Variants in FSTL4 observed in about 807,000 individuals in gnomAD.
FSTL4 encodes follistatin-related protein 4.
Under a neutral mutation model 78.2 loss-of-function variants are expected in FSTL4, and 28 were observed. That is an observed-to-expected ratio of 0.36 (90% CI 0.27 to 0.49). FSTL4 has a LOEUF of 0.49. Among genes scored for constraint, FSTL4 ranks in the 20% least tolerant of loss-of-function variants. The pLI is 0.98. For missense variants in FSTL4, 922 were observed against 1,084.9 expected (o/e 0.85, Z 2.11); for synonymous variants, 422 against 440.5 (o/e 0.96, Z 0.53).
the FSTL4 span, among the ~76,000 whole-genome samples, chr5:133,788,390 TAGTACCTC>T: frequency 6.6e-6 from 1 of 152,188 alleles, no homozygotes; most frequent in Admixed American, 6.5e-5. Flanking sequence ...ACTGTAATAG[TAGTACCTC>T]CCTGCAAGGT....
chr5:133,791,855 T>C, the FSTL4 span, among the ~76,000 whole-genome samples: 157 of 152,296 alleles, frequency 1.0e-3, no homozygotes, highest in African/African-American at 3.6e-3. Flanking sequence ...ATCTTCCCAT[T>C]CTGCTGGGCA....
At chr5:133,226,382 G>A (rs1443474049) in intron 8 of FSTL4, among the ~76,000 whole-genome samples, 2 of 152,150 alleles carry the variant, frequency 1.3e-5, no homozygotes, top group Non-Finnish European at 2.9e-5. Context: ...TCAGCCATGG[G>A]CCCTGGCAGT....
chr5:133,804,216 G>A, the FSTL4 span, among the ~76,000 whole-genome samples: 1 of 152,148 alleles, frequency 6.6e-6, no homozygotes, highest in African/African-American at 2.4e-5. Context: ...CTGGATAAAG[G>A]CAACAAGACC....
At chr5:133,689,744 C>T in the FSTL4 span, among the ~76,000 whole-genome samples, 16 of 152,140 alleles carry the variant, frequency 1.1e-4, no homozygotes, top group Non-Finnish European at 1.3e-4. Context: ...CTAGTGGTCT[C>T]AGCACTCTAA....
the FSTL4 span, among the ~76,000 whole-genome samples, chr5:133,639,333 G>A: frequency 1.3e-5 from 2 of 152,134 alleles, no homozygotes; most frequent in African/African-American, 2.4e-5. Context: ...GGCAGTAGTC[G>A]GTGCTCTATA....
chr5:133,344,374 C>T (rs577775769), intron 4 of FSTL4, among the ~76,000 whole-genome samples: 1 of 152,238 alleles, frequency 6.6e-6, no homozygotes, highest in East Asian at 1.9e-4. Context: ...TATTCATTGA[C>T]TCTAAAAGTG....
the FSTL4 span, among the ~76,000 whole-genome samples, chr5:133,828,693 G>T: frequency 7.2e-5 from 11 of 152,186 alleles, no homozygotes; most frequent in Admixed American, 6.5e-4. Context: ...CTCTGCAAAC[G>T]CTGGAGCCCC....
intron 3 of FSTL4, among the ~76,000 whole-genome samples, chr5:133,406,086 C>T (rs962729772): frequency 3.3e-5 from 5 of 152,104 alleles, no homozygotes; most frequent in African/African-American, 7.2e-5. Flanking sequence ...GTGTTAAATG[C>T]GAGGAAGGAA....
At chr5:133,328,212 A>C (rs1387681489) in intron 4 of FSTL4, among the ~76,000 whole-genome samples, 1 of 152,256 alleles carries the variant, frequency 6.6e-6, no homozygotes, top group Non-Finnish European at 1.5e-5. Context: ...GCTGGTGGCA[A>C]TATCCACCTC....
intron 3 of FSTL4, among the ~76,000 whole-genome samples, chr5:133,535,788 A>G (rs1272381776): frequency 1.3e-5 from 2 of 152,168 alleles, no homozygotes; most frequent in East Asian, 3.8e-4. Flanking sequence ...TAGCAGTCCA[A>G]GTAGATTAGG....
At chr5:133,233,654 G>T in intron 7 of FSTL4, 117 bp from the exon 8 acceptor site, 1 of 1,285,592 alleles carries the variant, frequency 7.8e-7, no homozygotes, top group Non-Finnish European at 1.1e-6. Flanking sequence ...TTTCTGCCTG[G>T]CCCTTGCTCA....
chr5:133,305,480 C>G (rs553519241), intron 6 of FSTL4, among the ~76,000 whole-genome samples: 1 of 152,234 alleles, frequency 6.6e-6, no homozygotes, highest in Non-Finnish European at 1.5e-5. Flanking sequence ...CTAGTTATCT[C>G]TAGCTCGGCG....
chr5:133,705,851 ACG>A, the FSTL4 span, among the ~76,000 whole-genome samples: 16 of 136,588 alleles, frequency 1.2e-4, no homozygotes, highest in African/African-American at 2.2e-4. Flanking sequence ...ACACACACAC[ACG>A]CGCGCACACA....
intron 4 of FSTL4, among the ~76,000 whole-genome samples, chr5:133,386,440 C>G: frequency 6.6e-6 from 1 of 152,158 alleles, no homozygotes; most frequent in South Asian, 2.1e-4. Flanking sequence ...CCAACTGTTT[C>G]TCTAAATTAG....
chr5:133,542,745 T>C (rs564830214), intron 3 of FSTL4, among the ~76,000 whole-genome samples: 1 of 152,292 alleles, frequency 6.6e-6, no homozygotes, highest in Non-Finnish European at 1.5e-5. Context: ...TAAGATTCTA[T>C]TATTGTTTTG....
At chr5:133,276,184 A>G (rs1453967424) in intron 6 of FSTL4, among the ~76,000 whole-genome samples, 1 of 152,228 alleles carries the variant, frequency 6.6e-6, no homozygotes, top group Non-Finnish European at 1.5e-5. Flanking sequence ...GGAGGGAAAT[A>G]CATCTCTTGT....
At chr5:133,802,294 G>A in the FSTL4 span, among the ~76,000 whole-genome samples, 1 of 152,180 alleles carries the variant, frequency 6.6e-6, no homozygotes, top group African/African-American at 2.4e-5. Context: ...GGGAACTAAG[G>A]AATCAAGGAA....
At chr5:133,494,752 T>C (rs1758335887) in intron 3 of FSTL4, among the ~76,000 whole-genome samples, 1 of 152,200 alleles carries the variant, frequency 6.6e-6, no homozygotes, top group Non-Finnish European at 1.5e-5. Flanking sequence ...CAATATGACA[T>C]TTAACAGAAG....
Position 133,592,023 on chromosome 5 carries a change from C to G in FSTL4, c.126+11835G>C, listed in dbSNP as rs17166857. 5.3e-3 allele frequency among the ~76,000 whole-genome samples: 812 copies of G among 152,220 alleles called. 12 individuals are homozygous for G. Among genetic ancestry groups the G allele is most frequent in the African/African-American group, 0.018 (754 of 41,516 alleles). On this transcript the variant is annotated intron_variant, in intron 2 of 15. Transcript: ENST00000265342. ...CCTTAACCAATCTGTTCCGTTTTCC[C>G]CTCCTGACAGATATGGCCCTATTCC...
Sources: gnomAD v4.1 joint callset for allele counts (sites outside exome capture counted in the v4.1 genomes callset) on GRCh38, gnomAD v4.1.1 for gene constraint, MANE v1.5 for transcripts, NCBI Gene and HGNC (gene_info 2026-07-23, HGNC 2026-07-21) for gene names.